Variants in RTL4 observed in about 807,000 individuals in gnomAD.
The protein encoded by RTL4 is retrotransposon Gag like 4, also known as retrotransposon Gag-like protein 4.
In RTL4, 4 loss-of-function variants were observed where a neutral mutation model predicts 5.3. The ratio of observed to expected loss-of-function variants is 0.75; its 90% CI spans 0.37 to 1.72. The LOEUF (loss-of-function observed/expected upper bound fraction) is 1.72. Ranked by LOEUF, RTL4 falls within the 40% of genes most tolerant of loss-of-function variation. RTL4 has a pLI of 0.04. For synonymous variants in RTL4, 98 were observed against 87.3 expected, an observed-to-expected ratio of 1.12 and a Z score of -0.68; for missense variants, 260 against 227.1, an observed-to-expected ratio of 1.14 and a Z score of -0.93.
At chrX:112,154,811 T>C in the RTL4 span, among the ~76,000 whole-genome samples, 1 of 111,416 alleles carries the variant, frequency 9.0e-6, no homozygotes, top group African/African-American at 3.3e-5. Flanking sequence ...AGGTATTTTT[T>C]TGGGCAAGCA....
At chrX:112,090,730 T>A in the RTL4 span, among the ~76,000 whole-genome samples, 1 of 111,186 alleles carries the variant, frequency 9.0e-6, no homozygotes, top group Non-Finnish European at 1.9e-5. Context: ...TATCTTGGTC[T>A]GGCTTTGGTA....
chrX:112,449,466 G>C, the RTL4 span, among the ~76,000 whole-genome samples: 1 of 111,505 alleles, frequency 9.0e-6, no homozygotes, highest in Non-Finnish European at 1.9e-5. Context: ...GAAACAGAAA[G>C]GACCTTTTGA....
At position 112,454,775 on chromosome X, in the gene RTL4, C is replaced by T. The variant is rs781268975; in HGVS notation, c.47C>T (p.Ser16Phe). Residue 16 changes from serine to phenylalanine, a missense_variant, in exon 1 of 1, where the codon TCC (serine) becomes TTC (phenylalanine). Ser to Phe is a radical substitution (Grantham distance 155, BLOSUM62 -2). Transcript: ENST00000340433. The stretch of plus-strand genomic sequence containing the variant: ...TCATCTACCATGCAGGTAGAGCCTT[C>T]CTTTCTTCAGGCAGAGAATCTGATT... The T allele has an allele frequency of 2.3e-5, 28 of 1,203,164 alleles. No individual in the cohort carries two copies. The South Asian group carries it at 4.7e-4, about 20-fold the overall frequency.
At chrX:112,191,306 T>A in the RTL4 span, among the ~76,000 whole-genome samples, 3 of 111,748 alleles carry the variant, frequency 2.7e-5, no homozygotes, top group African/African-American at 6.5e-5. Context: ...AAGACATACA[T>A]GTGCCACGGA....
the RTL4 span, among the ~76,000 whole-genome samples, chrX:112,154,688 G>A: frequency 2.7e-5 from 3 of 111,745 alleles, no homozygotes; most frequent in East Asian, 2.8e-4. Flanking sequence ...TTGTAAAATC[G>A]TTGGGACATG....
the RTL4 span, among the ~76,000 whole-genome samples, chrX:112,413,016 TATAA>T: frequency 9.0e-6 from 1 of 111,632 alleles, no homozygotes; most frequent in South Asian, 3.7e-4. Flanking sequence ...TATGAAAAAG[TATAA>T]ATAATCATAT....
the RTL4 span, among the ~76,000 whole-genome samples, chrX:112,438,408 C>A: frequency 8.9e-6 from 1 of 112,411 alleles, no homozygotes; most frequent in Non-Finnish European, 1.9e-5. Context: ...GCATGGCTTT[C>A]TTCCCACCAC....
At chrX:112,231,103 G>A in the RTL4 span, among the ~76,000 whole-genome samples, 1 of 110,819 alleles carries the variant, frequency 9.0e-6, no homozygotes, top group Non-Finnish European at 1.9e-5. Flanking sequence ...TGGAGAAATA[G>A]GAACACTTTT....
the RTL4 span, among the ~76,000 whole-genome samples, chrX:112,185,355 T>G: frequency 3.0e-5 from 3 of 99,308 alleles, no homozygotes; most frequent in Admixed American, 1.1e-4. Context: ...AGGCTTTTCT[T>G]CCTGCATCAG....
chrX:112,431,869 A>G, the RTL4 span, among the ~76,000 whole-genome samples: 2 of 84,751 alleles, frequency 2.4e-5, no homozygotes, highest in Admixed American at 1.3e-4. Flanking sequence ...TCCTAATGCT[A>G]TCCCTCCCCC....
At chrX:112,421,191 A>G in the RTL4 span, among the ~76,000 whole-genome samples, 1 of 111,802 alleles carries the variant, frequency 8.9e-6, no homozygotes, top group Non-Finnish European at 1.9e-5. Flanking sequence ...CATTCATTAG[A>G]GTTTATTGAC....
the RTL4 span, among the ~76,000 whole-genome samples, chrX:112,205,517 G>A: frequency 4.5e-5 from 5 of 111,171 alleles, no homozygotes; most frequent in African/African-American, 6.5e-5. Flanking sequence ...GGTAAATGCC[G>A]CTTGATTGAT....
chrX:112,393,144 TTTC>T, the RTL4 span, among the ~76,000 whole-genome samples: 18 of 93,083 alleles, frequency 1.9e-4, no homozygotes, highest in African/African-American at 7.7e-4. Context: ...TCTTTCTTTC[TTTC>T]TTTTTTTTTT....
chrX:112,297,357 A>G, the RTL4 span, among the ~76,000 whole-genome samples: 6 of 111,664 alleles, frequency 5.4e-5, no homozygotes, highest in Non-Finnish European at 9.4e-5. Context: ...TACAGGAAAC[A>G]TGACTGGGGA....
the RTL4 span, among the ~76,000 whole-genome samples, chrX:112,151,542 C>T: frequency 8.9e-6 from 1 of 111,999 alleles, no homozygotes; most frequent in Non-Finnish European, 1.9e-5. Flanking sequence ...ATTTGTGCTA[C>T]TCCTCCAGCA....
chrX:112,119,689 C>G, the RTL4 span, among the ~76,000 whole-genome samples: 2 of 111,664 alleles, frequency 1.8e-5, no homozygotes, highest in Non-Finnish European at 3.8e-5. Context: ...GCAAAGCATT[C>G]TGTGGAGTCT....
chrX:112,195,926 T>C, the RTL4 span, among the ~76,000 whole-genome samples: 1 of 111,542 alleles, frequency 9.0e-6, no homozygotes, highest in African/African-American at 3.3e-5. Flanking sequence ...TCTAAACTTT[T>C]TATTTTGAGA....
chrX:112,319,828 A>G, the RTL4 span: 16 of 110,981 alleles, frequency 1.4e-4, no homozygotes, highest in East Asian at 4.3e-3. Flanking sequence ...GCTCCTTTTT[A>G]TTGCTGAAAA....
the RTL4 span, among the ~76,000 whole-genome samples, chrX:112,322,639 T>C: frequency 9.0e-6 from 1 of 111,301 alleles, no homozygotes; most frequent in Non-Finnish European, 1.9e-5. Context: ...TCTTTTTTCC[T>C]TGGCTCTCAT....
Sources: allele counts gnomAD v4.1 joint callset (sites outside exome capture counted in the v4.1 genomes callset), GRCh38; gene constraint gnomAD v4.1.1; transcripts MANE v1.5; gene names NCBI Gene and HGNC (gene_info 2026-07-23, HGNC 2026-07-21).